The following AHCYL2 variants were observed in gnomAD, a reference collection of about 807,000 sequenced individuals.
AHCYL2 encodes the protein S-adenosylhomocysteine hydrolase-like protein 2.
AHCYL2 carries 28 observed loss-of-function variants against 81.4 expected under a neutral mutation model. The observed-to-expected ratio is 0.34, with a 90% CI of 0.25 to 0.47. The LOEUF (loss-of-function observed/expected upper bound fraction) is 0.47, where lower values mean the gene tolerates loss of function less well. Among genes scored for constraint, AHCYL2 ranks in the 20% least tolerant of loss-of-function variants. The pLI is 1.00. For missense variants in AHCYL2, 551 were observed against 785.1 expected, an observed-to-expected ratio of 0.70 and a Z score of 3.56; for synonymous variants, 272 against 290.2, an observed-to-expected ratio of 0.94 and a Z score of 0.64.
At chr7:129,399,987 A>C (rs1485921333) in intron 5 of AHCYL2, among the ~76,000 whole-genome samples, 1 of 152,058 alleles carries the variant, frequency 6.6e-6, no homozygotes, top group Admixed American at 6.6e-5. Context: ...CAGCCTCCCA[A>C]GGTGCTGGGA....
intron 1 of AHCYL2, among the ~76,000 whole-genome samples, chr7:129,294,264 T>C (rs1796979256): frequency 6.6e-6 from 1 of 152,200 alleles, no homozygotes. Context: ...TTTAGATTGA[T>C]GCCAAAAAAT....
At position 129,423,680 on chromosome 7, in the gene AHCYL2, G is replaced by GT. The variant is rs201434021; in HGVS notation, c.1560+750dup. Among the ~76,000 whole-genome samples the GT allele has an allele frequency of 4.4e-4, 66 of 151,312 alleles. No homozygotes were observed. The East Asian group carries it at 0.01, about 24-fold the overall frequency. Reference sequence around the variant, plus strand: ...TTTTCTCAATTTTGATTTTCAGTTGGTTTTTTTTCTTTTTTTATATTAAAG... The same window carrying GT: ...TTTTCTCAATTTTGATTTTCAGTTGGTTTTTTTTTCTTTTTTTATATTAAAG... On this transcript the variant is annotated intron_variant, in intron 13 of 16. Coordinates refer to ENST00000325006, the MANE Select transcript of AHCYL2 (RefSeq NM_015328.4).
At chr7:129,379,859 A>G in intron 2 of AHCYL2, 110 bp downstream of exon 2, 1 of 752,522 alleles carries the variant, frequency 1.3e-6, no homozygotes, top group Middle Eastern at 2.4e-4. Flanking sequence ...TGTGCTTTGA[A>G]TAAATACTTC....
intron 1 of AHCYL2, among the ~76,000 whole-genome samples, chr7:129,356,350 C>T (rs1484173245): frequency 1.3e-5 from 2 of 152,160 alleles, no homozygotes; most frequent in Non-Finnish European, 2.9e-5. Context: ...TCAGTGGCTG[C>T]TAGTTGTCTA....
chr7:129,327,124 A>G (rs916238541), intron 1 of AHCYL2, among the ~76,000 whole-genome samples: 5 of 152,140 alleles, frequency 3.3e-5, no homozygotes, highest in Non-Finnish European at 5.9e-5. Context: ...TTGAAGCCCT[A>G]ATTCCCAGTG....
At chr7:129,281,342 T>C (rs1258672296) in intron 1 of AHCYL2, among the ~76,000 whole-genome samples, 1 of 152,142 alleles carries the variant, frequency 6.6e-6, no homozygotes, top group Admixed American at 6.5e-5. Flanking sequence ...TGCAAGGCTT[T>C]GGTATTAGGA....
chr7:129,298,997 A>G (rs1464494470), intron 1 of AHCYL2, among the ~76,000 whole-genome samples: 2 of 152,190 alleles, frequency 1.3e-5, no homozygotes, highest in African/African-American at 4.8e-5. Flanking sequence ...TGTAGCGAAA[A>G]AAAGTATATA....
rs184450180 is a variant in AHCYL2, at chr7:129,321,338, C to T, written c.364-58300C>T. On this transcript the variant is annotated intron_variant, in intron 1 of 16. Coordinates refer to ENST00000325006, the MANE Select transcript of AHCYL2 (RefSeq NM_015328.4). The stretch of plus-strand genomic sequence containing the variant: ...CTGTATCAAGTAAAAGCGTTCTGTT[C>T]TAGTCTTAGTTTTCCAACAATTTTT... 9.1e-4 allele frequency among the ~76,000 whole-genome samples: 138 copies of T among 152,256 alleles called. 1 individual carries two copies. Among genetic ancestry groups the T allele is most frequent in the African/African-American group, 3.3e-3 (137 of 41,556 alleles).
At chr7:129,353,892 T>C (rs1355471856) in intron 1 of AHCYL2, among the ~76,000 whole-genome samples, 2 of 151,352 alleles carry the variant, frequency 1.3e-5, no homozygotes, top group East Asian at 3.9e-4. Flanking sequence ...ATTTTGGAGA[T>C]CAAAGGAAAT....
intron 1 of AHCYL2, among the ~76,000 whole-genome samples, chr7:129,267,425 C>A (rs1795852434): frequency 6.6e-6 from 1 of 152,104 alleles, no homozygotes; most frequent in Admixed American, 6.6e-5. Context: ...CTGCCTCAGC[C>A]TCCCTAGTAG....
chr7:129,345,999 G>C (rs763350565), intron 1 of AHCYL2, among the ~76,000 whole-genome samples: 5 of 152,082 alleles, frequency 3.3e-5, no homozygotes, highest in Non-Finnish European at 7.4e-5. Flanking sequence ...GATCTGGGCT[G>C]TCTAAGTAGA....
At chr7:129,323,243 G>A (rs926951707) in intron 1 of AHCYL2, among the ~76,000 whole-genome samples, 1 of 152,030 alleles carries the variant, frequency 6.6e-6, no homozygotes, top group African/African-American at 2.4e-5. Context: ...TCTAAGTGCT[G>A]CTTTAGGTGC....
chr7:129,258,981 T>C (rs942402699), intron 1 of AHCYL2, among the ~76,000 whole-genome samples: 5 of 152,230 alleles, frequency 3.3e-5, no homozygotes, highest in African/African-American at 1.2e-4. Context: ...ATCCTGCTCC[T>C]TGGACACCAT....
chr7:129,291,941 G>T (rs1796882394), intron 1 of AHCYL2, among the ~76,000 whole-genome samples: 2 of 151,074 alleles, frequency 1.3e-5, no homozygotes, highest in South Asian at 4.2e-4. Context: ...ATATGGCTAA[G>T]TTTTTTTTTA....
intron 1 of AHCYL2, among the ~76,000 whole-genome samples, chr7:129,246,002 C>A (rs187236947): frequency 6.6e-6 from 1 of 152,014 alleles, no homozygotes; most frequent in Admixed American, 6.6e-5. Context: ...TATACATCGA[C>A]AACACTTATT....
At chr7:129,320,994 A>T (rs990342646) in intron 1 of AHCYL2, among the ~76,000 whole-genome samples, 2 of 152,202 alleles carry the variant, frequency 1.3e-5, no homozygotes, top group Non-Finnish European at 2.9e-5. Context: ...TCATCAGTTG[A>T]TGCACATTTG....
At chr7:129,267,235 G>GTGTGTGTGTA (rs10661940) in intron 1 of AHCYL2, among the ~76,000 whole-genome samples, 41,178 of 135,218 alleles carry the variant, frequency 0.3, 6,284 homozygotes, top group East Asian at 0.62. Context: ...CAAGGGGTGT[G>GTGTGTGTGTA]TGTGTGTGTG....
chr7:129,412,912 C>A (rs916707298), intron 11 of AHCYL2, among the ~76,000 whole-genome samples: 2 of 152,258 alleles, frequency 1.3e-5, no homozygotes, highest in Admixed American at 1.3e-4. Flanking sequence ...AGTCACAGCT[C>A]ACTGCAGCCC....
intron 1 of AHCYL2, among the ~76,000 whole-genome samples, chr7:129,278,356 G>A (rs924703672): frequency 5.3e-5 from 8 of 151,990 alleles, no homozygotes; most frequent in Admixed American, 1.3e-4. Context: ...GATTACAGGC[G>A]TGAGTCACCA....
Sources: allele counts gnomAD v4.1 joint callset (sites outside exome capture counted in the v4.1 genomes callset), GRCh38; gene constraint gnomAD v4.1.1; transcripts MANE v1.5; gene names NCBI Gene and HGNC (gene_info 2026-07-23, HGNC 2026-07-21).